The following TRIM49B variants were observed in gnomAD, a reference collection of about 807,000 sequenced individuals.
TRIM49B encodes the protein putative tripartite motif-containing protein 49B.
In TRIM49B, 18 loss-of-function variants were observed where a neutral mutation model predicts 31.8. The ratio of observed to expected loss-of-function variants is 0.57; its 90% CI spans 0.39 to 0.84. The LOEUF is 0.84. TRIM49B is among the 40% of genes least tolerant of loss of function. The probability of loss-of-function intolerance (pLI) is 0.00; values close to 1 mark genes in which losing one functional copy is unlikely to be tolerated. For missense variants in TRIM49B, 494 were observed against 538.7 expected, an observed-to-expected ratio of 0.92 and a Z score of 0.82; for synonymous variants, 196 against 180.6, an observed-to-expected ratio of 1.09 and a Z score of -0.68.
rs779980780 is a variant in TRIM49B, at chr11:49,035,069, A to G, written c.739-26A>G. 3.8e-6 allele frequency: 6 copies of G among 1,568,972 alleles called. No individual in the cohort carries two copies. In the African/African-American group the frequency reaches 5.8e-5, roughly 15 times the overall value. On this transcript the variant is annotated intron_variant, in intron 4 of 6. Transcript: ENST00000332682. ...AGATGCATCTTGTGAAATGCACTAA[A>G]TCTCTCTTTTTTTTTTTTTTTTCAG...
intron 3 of TRIM49B, among the ~76,000 whole-genome samples, chr11:49,033,834 T>G (rs985268043): frequency 6.6e-6 from 1 of 152,212 alleles, no homozygotes; most frequent in African/African-American, 2.4e-5. Context: ...AGCCCTATAC[T>G]CCAACTCTTA....
intron 5 of TRIM49B, among the ~76,000 whole-genome samples, chr11:49,035,484 C>G (rs1276340304): frequency 6.6e-6 from 1 of 151,056 alleles, no homozygotes; most frequent in Non-Finnish European, 1.5e-5. Context: ...CTCAGCCTCC[C>G]GAGTACCGGG....
chr11:49,036,796 T>C (rs1281106310), intron 6 of TRIM49B, among the ~76,000 whole-genome samples: 6 of 152,176 alleles, frequency 3.9e-5, no homozygotes, highest in Admixed American at 6.5e-5. Flanking sequence ...TTTCTGGAGA[T>C]TCTTGGGGGT....
chr11:49,034,110 T>C, intron 3 of TRIM49B, 36 bp from the exon 4 acceptor site: 5 of 1,611,276 alleles, frequency 3.1e-6, no homozygotes, highest in Non-Finnish European at 3.4e-6. Context: ...GATGGATATA[T>C]ACATTTCTCT....
chr11:49,034,304 G>C lies in TRIM49B; in HGVS notation c.666G>C (p.Arg222Ser). The C allele has an allele frequency of 6.2e-7, 1 of 1,611,994 alleles. No homozygotes were observed. The highest frequency in any genetic ancestry group is 8.5e-7 in the Non-Finnish European group (1 of 1,179,824). The stretch of plus-strand genomic sequence containing the variant: ...TAAGTAAAGCCAAAATGGCTCATAG[G>C]AGGGAGATTTTAAGAGGAATGTATG... ...LHLSKAKMAHRREILRGMYEE... is the reference protein window; with the variant it reads ...LHLSKAKMAHSREILRGMYEE... The change falls in exon 4 of 7, where the codon AGG becomes AGC. Residue 222 changes from arginine to serine, a missense_variant. Around this residue, in one of 3 missense-constraint regions of TRIM49B, gnomAD observed 233 missense variants for 281.4 expected, o/e 0.83. Coordinates refer to ENST00000332682, the MANE Select transcript of TRIM49B (RefSeq NM_001206626.2).
intron 1 of TRIM49B, among the ~76,000 whole-genome samples, chr11:49,029,854 G>T (rs1168918433): frequency 6.6e-6 from 1 of 152,052 alleles, no homozygotes; most frequent in African/African-American, 2.4e-5. Context: ...TACCTTTTCT[G>T]TATTCAATTA....
intron 1 of TRIM49B, among the ~76,000 whole-genome samples, chr11:49,031,207 C>T (rs1854440857): frequency 6.6e-6 from 1 of 151,782 alleles, no homozygotes; most frequent in African/African-American, 2.4e-5. Flanking sequence ...TTTCTTTGGC[C>T]CAGGTAGTTT....
At chr11:49,031,351 T>C (rs1854442765) in intron 1 of TRIM49B, among the ~76,000 whole-genome samples, 1 of 152,188 alleles carries the variant, frequency 6.6e-6, no homozygotes, top group Non-Finnish European at 1.5e-5. Flanking sequence ...AATAGGTTCG[T>C]ATTATGCTAC....
intron 3 of TRIM49B, among the ~76,000 whole-genome samples, chr11:49,033,103 C>T (rs926551797): frequency 3.4e-4 from 52 of 152,012 alleles, no homozygotes; most frequent in Non-Finnish European, 7.1e-4. Context: ...ACCTAGTCTA[C>T]GTTGAATATT....
chr11:49,034,936 T>A (rs1180029395), intron 4 of TRIM49B, among the ~76,000 whole-genome samples, 159 bp from the exon 5 acceptor site: 1 of 152,106 alleles, frequency 6.6e-6, no homozygotes, highest in African/African-American at 2.4e-5. Context: ...ACTGACTGGG[T>A]TTTTCATTAC....
Position 49,031,778 on chromosome 11 carries a change from G to A in TRIM49B, c.179G>A (p.Gly60Glu), listed in dbSNP as rs1854451583. 3.1e-6 allele frequency: 5 copies of A among 1,613,922 alleles called. No individual in the cohort carries two copies. In the East Asian group the frequency reaches 1.1e-4, roughly 36 times the overall value. Residue 60 changes from glycine to glutamate, a missense_variant, in exon 2 of 7, where the codon GGG (glycine) becomes GAG (glutamate). By Grantham distance (98) the Gly-to-Glu change is moderately conservative. Transcript: ENST00000332682. The part of the protein sequence containing the change: ...VQCSECTKST[G>E]QINLKTNIHF... The stretch of plus-strand genomic sequence containing the variant: ...TGCTCTGAATGCACAAAGTCAACAG[G>A]GCAGATAAACCTCAAAACCAACATT...
At position 49,037,898 on chromosome 11, in the gene TRIM49B, A is replaced by C; in HGVS notation, c.1280A>C (p.Gln427Pro). The C allele has an allele frequency of 6.2e-7, 1 of 1,613,804 alleles. No individual in the cohort carries two copies. The highest frequency in any genetic ancestry group is 8.5e-7 in the Non-Finnish European group (1 of 1,179,802). ...ACTGTGAGCTTTGTTGATGTTAATC[A>C]AAGCTCCCTAATATACACCATCCCT... ...AKTVSFVDVNQSSLIYTIPNC... is the reference protein window; with the variant it reads ...AKTVSFVDVNPSSLIYTIPNC... The change falls in exon 7 of 7, where the codon CAA becomes CCA. Residue 427 changes from glutamine (Q) to proline (P), a missense_variant. Around this residue, in one of 3 missense-constraint regions of TRIM49B, gnomAD observed 233 missense variants for 281.4 expected, o/e 0.83. Transcript: ENST00000332682.
At position 49,037,620 on chromosome 11, in the gene TRIM49B, G is replaced by A; in HGVS notation, c.1002G>A (p.Gln334=). The change falls in exon 7 of 7, where the codon CAG becomes CAA. Residue 334 remains glutamine, a synonymous_variant. Transcript: ENST00000332682. ...GAAGTTTTCTTGCATGGGGTGCTCAGACTTTCACCTCGGGCAAATATTACT... is the reference window on the plus strand; with the variant it reads ...GAAGTTTTCTTGCATGGGGTGCTCAAACTTTCACCTCGGGCAAATATTACT... ...TPRSFLAWGA[Q]TFTSGKYYWE... 6.2e-7 allele frequency: 1 copy of A among 1,614,014 alleles called. No homozygotes were observed. Among genetic ancestry groups the A allele is most frequent in the Non-Finnish European group, 8.5e-7 (1 of 1,179,910 alleles).
chr11:49,031,932 C>T lies in TRIM49B; in HGVS notation c.333C>T (p.Leu111=). 1 of 1,612,108 alleles carries T rather than the reference C, an allele frequency of 6.2e-7. No individual in the cohort carries two copies. ...TCTGTGAAGTGGACAGGAGCCTGCTCTGTTTGCTGTGCTCCAGCTCTCAGG... is the reference window on the plus strand; with the variant it reads ...TCTGTGAAGTGGACAGGAGCCTGCTTTGTTTGCTGTGCTCCAGCTCTCAGG... ...KMFCEVDRSL[L]CLLCSSSQEH... Residue 111 remains leucine (L), a synonymous_variant, in exon 2 of 7, where the codon CTC becomes CTT. Coordinates refer to ENST00000332682, the MANE Select transcript of TRIM49B (RefSeq NM_001206626.2).
intron 2 of TRIM49B, 74 bp downstream of exon 2, chr11:49,032,084 T>C (rs1233017412): frequency 6.2e-7 from 1 of 1,609,554 alleles, no homozygotes; most frequent in Non-Finnish European, 8.5e-7. Context: ...TCTTGGAGAT[T>C]GGATAAAACA....
chr11:49,034,896 T>A lies in TRIM49B; in HGVS notation c.739-199T>A, dbSNP rs1854500653. Among the ~76,000 whole-genome samples the A allele has an allele frequency of 2.0e-5, 3 of 152,180 alleles. No homozygotes were observed. In the South Asian group the frequency reaches 6.2e-4, roughly 31 times the overall value. The stretch of plus-strand genomic sequence containing the variant: ...TAGAGAATGTCTTCAAGACTCAGAC[T>A]TTCCCAGGACGTTAATTAATAACAA... On this transcript the variant is annotated intron_variant, in intron 4 of 6. Transcript: ENST00000332682.
chr11:49,035,856 G>T (rs1854522771), intron 5 of TRIM49B, among the ~76,000 whole-genome samples: 1 of 152,134 alleles, frequency 6.6e-6, no homozygotes, highest in African/African-American at 2.4e-5. Flanking sequence ...AAAAAAACTG[G>T]AGTGTTAGAA....
At chr11:49,034,492 T>C (rs1854495108) in intron 4 of TRIM49B, 116 bp downstream of exon 4, 2 of 1,602,746 alleles carry the variant, frequency 1.2e-6, no homozygotes, top group African/African-American at 2.7e-5. Context: ...CAAAAACACA[T>C]TCACATAACT....
rs144368655 is a variant in TRIM49B, at chr11:49,029,386, T to G, written c.-5+411T>G. ...TGACTTTAAATTAGTAAGGTAATGA[T>G]GAACGATGCAAAATAGTGAAACTAA... On this transcript the variant is annotated intron_variant, in intron 1 of 6. Transcript: ENST00000332682. 6.4e-3 allele frequency among the ~76,000 whole-genome samples: 973 copies of G among 152,304 alleles called. 15 individuals are homozygous for G. Among genetic ancestry groups the G allele is most frequent in the African/African-American group, 0.023 (944 of 41,578 alleles).
Sources: gnomAD v4.1 joint callset for allele counts (sites outside exome capture counted in the v4.1 genomes callset) on GRCh38, gnomAD v4.1.1 for gene constraint, gnomAD v4.1.1 regional missense constraint, MANE v1.5 for transcripts, NCBI Gene and HGNC (gene_info 2026-07-23, HGNC 2026-07-21) for gene names.